ATG5: variants seen among roughly 807,000 people sequenced by gnomAD.
ATG5 encodes the protein autophagy related 5, also known as autophagy protein 5.
ATG5 carries 14 observed loss-of-function variants against 36.5 expected under a neutral mutation model. The observed-to-expected ratio is 0.38, with a 90% confidence interval of 0.25 to 0.60. The LOEUF is 0.60. Among genes scored for constraint, ATG5 ranks in the 20% least tolerant of loss-of-function variants. The pLI is 0.60. For missense variants in ATG5, 195 were observed against 326.7 expected, an observed-to-expected ratio of 0.60 and a Z score of 3.11; for synonymous variants, 95 against 101.5, an observed-to-expected ratio of 0.94 and a Z score of 0.38.
chr6:106,303,853 A>G (rs901987360), intron 3 of ATG5, among the ~76,000 whole-genome samples: 3 of 152,136 alleles, frequency 2.0e-5, no homozygotes, highest in Non-Finnish European at 2.9e-5. Context: ...AAAATCCAAC[A>G]TCTATTCATG....
chr6:106,306,015 G>C (rs1384054391), intron 3 of ATG5, among the ~76,000 whole-genome samples: 1 of 152,044 alleles, frequency 6.6e-6, no homozygotes, highest in Non-Finnish European at 1.5e-5. Context: ...GCTACAATGA[G>C]CTTACAGCAT....
At chr6:106,302,460 T>C (rs569690885) in intron 3 of ATG5, among the ~76,000 whole-genome samples, 13 of 152,126 alleles carry the variant, frequency 8.5e-5, no homozygotes, top group African/African-American at 1.9e-4. Context: ...AGAAAAATTA[T>C]GGCACTGGGG....
intron 1 of ATG5, among the ~76,000 whole-genome samples, chr6:106,323,707 G>A (rs956154000): frequency 6.6e-6 from 1 of 152,028 alleles, no homozygotes; most frequent in Non-Finnish European, 1.5e-5. Context: ...GCAGTCAATG[G>A]CCTACTAACA....
intron 4 of ATG5, among the ~76,000 whole-genome samples, chr6:106,282,963 T>A (rs1038402586): frequency 8.6e-5 from 13 of 151,396 alleles, no homozygotes; most frequent in Admixed American, 6.6e-4. Flanking sequence ...ATTTTTTTAA[T>A]TTTTTTTTGT....
At chr6:106,276,327 G>A (rs1000268656) in intron 5 of ATG5, among the ~76,000 whole-genome samples, 5 of 152,036 alleles carry the variant, frequency 3.3e-5, no homozygotes, top group African/African-American at 9.7e-5. Flanking sequence ...AGCCAGGCAC[G>A]GTGGCAGCCA....
chr6:106,197,581 T>C (rs1222098553), intron 7 of ATG5, among the ~76,000 whole-genome samples: 1 of 151,836 alleles, frequency 6.6e-6, no homozygotes, highest in Admixed American at 6.6e-5. Flanking sequence ...TCCCTGGGTG[T>C]GGAGGAGTGA....
At chr6:106,301,318 A>T (rs940187630) in intron 3 of ATG5, among the ~76,000 whole-genome samples, 1 of 152,130 alleles carries the variant, frequency 6.6e-6, no homozygotes, top group African/African-American at 2.4e-5. Flanking sequence ...AGTATTCATT[A>T]TAAGTATACC....
At chr6:106,308,556 G>C (rs990999213) in intron 2 of ATG5, 65 bp from the exon 3 acceptor site, 6 of 1,270,372 alleles carry the variant, frequency 4.7e-6, no homozygotes, top group Non-Finnish European at 6.2e-6. Context: ...ATACTAAGTA[G>C]GTTTTTGAAT....
At chr6:106,214,444 T>C (rs1265912854) in intron 6 of ATG5, among the ~76,000 whole-genome samples, 1 of 152,110 alleles carries the variant, frequency 6.6e-6, no homozygotes, top group Non-Finnish European at 1.5e-5. Context: ...CTTTTAATAG[T>C]CTTGACAACA....
intron 3 of ATG5, among the ~76,000 whole-genome samples, chr6:106,294,467 T>C (rs1440067614): frequency 6.6e-6 from 1 of 151,650 alleles, no homozygotes; most frequent in African/African-American, 2.4e-5. Context: ...GCTTGCTTAC[T>C]TGTATAGAAT....
chr6:106,296,601 T>G (rs745833388), intron 3 of ATG5, among the ~76,000 whole-genome samples: 5 of 152,190 alleles, frequency 3.3e-5, no homozygotes, highest in Non-Finnish European at 5.9e-5. Flanking sequence ...GTGGTTCACC[T>G]GAGGTTAGGA....
intron 6 of ATG5, among the ~76,000 whole-genome samples, chr6:106,228,660 C>A (rs962873521): frequency 1.3e-5 from 2 of 152,122 alleles, no homozygotes; most frequent in Admixed American, 1.3e-4. Context: ...CACAAAGGGA[C>A]CTGAACCCGC....
chr6:106,197,269 C>T (rs1274097795), intron 7 of ATG5, among the ~76,000 whole-genome samples: 1 of 152,102 alleles, frequency 6.6e-6, no homozygotes, highest in Non-Finnish European at 1.5e-5. Flanking sequence ...TGCCTATAAT[C>T]TCAGTACTTT....
At chr6:106,261,825 T>C (rs1779030762) in intron 5 of ATG5, among the ~76,000 whole-genome samples, 1 of 152,048 alleles carries the variant, frequency 6.6e-6, no homozygotes, top group Non-Finnish European at 1.5e-5. Flanking sequence ...AATGAAACAA[T>C]TATTACCGGG....
chr6:106,240,799 T>C (rs1356232489), intron 6 of ATG5, among the ~76,000 whole-genome samples: 5 of 152,144 alleles, frequency 3.3e-5, no homozygotes, highest in Non-Finnish European at 7.3e-5. Context: ...GAAAACTTGA[T>C]AGTGAATACT....
At chr6:106,276,380 C>T (rs1429404631) in intron 5 of ATG5, among the ~76,000 whole-genome samples, 2 of 150,144 alleles carry the variant, frequency 1.3e-5, no homozygotes, top group South Asian at 2.1e-4. Flanking sequence ...AGGAGAATGG[C>T]GTGAACCCGG....
chr6:106,192,736 C>T (rs982984407), intron 7 of ATG5, among the ~76,000 whole-genome samples: 1 of 152,066 alleles, frequency 6.6e-6, no homozygotes, highest in Non-Finnish European at 1.5e-5. Context: ...ATGTGTAATA[C>T]TGAAGGTAAA....
At chr6:106,188,352 T>C (rs1288120371) in intron 7 of ATG5, among the ~76,000 whole-genome samples, 1 of 152,212 alleles carries the variant, frequency 6.6e-6, no homozygotes, top group African/African-American at 2.4e-5. Flanking sequence ...ATTCTCAGAA[T>C]CTTCCTCCTA....
At chr6:106,197,523 TGGGGTGGGG>T (rs1237028243) in intron 7 of ATG5, among the ~76,000 whole-genome samples, 1 of 16,344 alleles carries the variant, frequency 6.1e-5, no homozygotes, top group African/African-American at 2.6e-4. Context: ...GTATTTGGGT[TGGGGTGGGG>T]GGGGCGGGGG....
Sources: allele counts gnomAD v4.1 joint callset (sites outside exome capture counted in the v4.1 genomes callset), GRCh38; gene constraint gnomAD v4.1.1; transcripts MANE v1.5; gene names NCBI Gene and HGNC (gene_info 2026-07-23, HGNC 2026-07-21).